Variants in PLCG2 observed in about 807,000 individuals in gnomAD.
PLCG2 encodes 1-phosphatidylinositol 4,5-bisphosphate phosphodiesterase gamma-2.
PLCG2 carries 69 observed loss-of-function variants against 175.6 expected under a neutral mutation model. The ratio of observed to expected loss-of-function variants is 0.39; its 90% CI spans 0.32 to 0.48. The LOEUF is 0.48. Among genes scored for constraint, PLCG2 ranks in the 20% least tolerant of loss-of-function variants. The pLI, the probability that PLCG2 is intolerant of heterozygous loss-of-function variation, is 0.91. For synonymous variants in PLCG2, 827 were observed against 624.0 expected (o/e 1.33, Z -4.85); for missense variants, 1,798 against 1,650.9 (o/e 1.09, Z -1.54).
At chr16:81,780,313 GC>G (rs972505654) in intron 1 of PLCG2, among the ~76,000 whole-genome samples, 7 of 152,304 alleles carry the variant, frequency 4.6e-5, no homozygotes, top group Admixed American at 3.9e-4. Context: ...ATTTTCCAGG[GC>G]TGTGTCGAGA....
intron 1 of PLCG2, among the ~76,000 whole-genome samples, chr16:81,743,739 G>T (rs1218857699): frequency 6.6e-6 from 1 of 152,364 alleles, no homozygotes; most frequent in South Asian, 2.1e-4. Context: ...CATCCCAAGG[G>T]AGGGAGAGTG....
At chr16:81,843,997 G>A (rs530746590) in intron 2 of PLCG2, among the ~76,000 whole-genome samples, 5 of 145,304 alleles carry the variant, frequency 3.4e-5, no homozygotes, top group African/African-American at 1.3e-4. Flanking sequence ...TTTTTTTTGA[G>A]AAGGCGTCTT....
At chr16:81,885,165 T>G (rs1250519477) in intron 9 of PLCG2, among the ~76,000 whole-genome samples, 1 of 152,106 alleles carries the variant, frequency 6.6e-6, no homozygotes. Flanking sequence ...TAGCTGGGAT[T>G]GCAGGCGTCT....
chr16:81,784,907 G>C (rs1226194296), intron 1 of PLCG2, among the ~76,000 whole-genome samples: 1 of 152,072 alleles, frequency 6.6e-6, no homozygotes, highest in Admixed American at 6.6e-5. Context: ...TGGGGATTTG[G>C]GAGGCAGAAT....
intron 5 of PLCG2, among the ~76,000 whole-genome samples, chr16:81,866,338 G>A (rs1379114951): frequency 3.2e-5 from 4 of 126,416 alleles, no homozygotes; most frequent in Non-Finnish European, 6.8e-5. Context: ...ATGAGAGGAC[G>A]CTGGCCTCTC....
chr16:81,927,007 C>T (rs1035148481), intron 22 of PLCG2, 75 bp from the exon 23 acceptor site: 95 of 905,986 alleles, frequency 1.0e-4, no homozygotes, highest in African/African-American at 2.8e-4. Flanking sequence ...AGCCAGCAGC[C>T]GGGTGCAGAT....
rs181465880 is a variant in PLCG2, at chr16:81,788,179, C to G, written c.193+1997C>G. Among the ~76,000 whole-genome samples, 37 of 152,206 alleles carry G rather than the reference C, an allele frequency of 2.4e-4. No individual in the cohort carries two copies. The Middle Eastern group carries it at 0.01, about 42-fold the overall frequency. ...AGTGGCTGCACCATTTATATTCCTT[C>G]CAGTGGTAGAAAAGGGTGATCGTTG... On this transcript the variant is annotated intron_variant, in intron 2 of 32. Coordinates refer to ENST00000564138, the MANE Select transcript of PLCG2 (RefSeq NM_002661.5).
intron 30 of PLCG2, among the ~76,000 whole-genome samples, chr16:81,942,359 T>G (rs16956034): frequency 0.24 from 37,024 of 152,136 alleles, 5,438 homozygotes; most frequent in East Asian, 0.39. Flanking sequence ...CAAGGGAGAT[T>G]AAAAATGTGA....
At chr16:81,831,183 G>A (rs1053688934) in intron 2 of PLCG2, among the ~76,000 whole-genome samples, 2 of 152,134 alleles carry the variant, frequency 1.3e-5, no homozygotes, top group Non-Finnish European at 2.9e-5. Flanking sequence ...ACTTGTGATT[G>A]CCAAGTGTAA....
At chr16:81,806,813 G>T (rs533229399) in intron 2 of PLCG2, among the ~76,000 whole-genome samples, 1 of 151,526 alleles carries the variant, frequency 6.6e-6, no homozygotes, top group African/African-American at 2.4e-5. Flanking sequence ...AGGGCTTCAG[G>T]AATGGCCAGG....
At chr16:81,810,045 T>C (rs927350223) in intron 2 of PLCG2, among the ~76,000 whole-genome samples, 2 of 151,920 alleles carry the variant, frequency 1.3e-5, no homozygotes. Context: ...AGGCTGGAGT[T>C]CAGTGGCGTG....
rs186848705 is a variant in PLCG2 at position 81,960,721 on chromosome 16, C to G, written c.*2723C>G. 7.0e-5 allele frequency: 16 copies of G among 229,122 alleles called. No homozygotes were observed. The highest frequency in any genetic ancestry group is 8.7e-6 in the Non-Finnish European group (1 of 115,454). The allele number at this position is 229,122 out of a possible 1,614,324, so 14.2% of individuals were successfully genotyped here. ...TAAGAAGGCAGCCGGACAACATGTT[C>G]TAATACTTCGTATGCTTTGTGACCT... is the stretch of plus-strand genomic sequence containing the variant. On this transcript the variant is annotated 3_prime_UTR_variant, in exon 33 of 33. Coordinates refer to ENST00000564138, the MANE Select transcript of PLCG2 (RefSeq NM_002661.5).
intron 21 of PLCG2, among the ~76,000 whole-genome samples, chr16:81,922,480 G>A (rs1265305292): frequency 6.6e-6 from 1 of 152,216 alleles, no homozygotes; most frequent in Non-Finnish European, 1.5e-5. Flanking sequence ...GCAAGCTGTT[G>A]TCAGTTTTAT....
intron 1 of PLCG2, chr16:81,783,185 G>A: frequency 2.1e-6 from 1 of 470,988 alleles, no homozygotes. Context: ...AGTGGACTAT[G>A]GCCTAGAGAC....
Position 81,880,097 on chromosome 16 carries a change from C to T in PLCG2, c.649-813C>T, listed in dbSNP as rs117950991. Among the ~76,000 whole-genome samples, 408 of 152,204 alleles carry T rather than the reference C, an allele frequency of 2.7e-3. 15 individuals carry two copies. The East Asian group carries it at 0.049, about 18-fold the overall frequency. ...CTCTACAAAAAGAAAAAATATTAGC[C>T]GGGCATGGTGGCGCATGCCTGTAGT... On this transcript the variant is annotated intron_variant, in intron 7 of 32. Coordinates refer to ENST00000564138, the MANE Select transcript of PLCG2 (RefSeq NM_002661.5).
At chr16:81,954,821 G>A (rs79080750) in intron 31 of PLCG2, among the ~76,000 whole-genome samples, 1 of 152,126 alleles carries the variant, frequency 6.6e-6, no homozygotes, top group Non-Finnish European at 1.5e-5. Context: ...GGTCTTTATA[G>A]TAGAATGATT....
intron 20 of PLCG2, among the ~76,000 whole-genome samples, chr16:81,919,977 G>A (rs184747574): frequency 6.6e-5 from 10 of 152,310 alleles, no homozygotes; most frequent in Admixed American, 6.5e-4. Flanking sequence ...TTTTCAGAGG[G>A]TGGTCTAGGA....
At chr16:81,879,308 T>C (rs1335303942) in intron 7 of PLCG2, among the ~76,000 whole-genome samples, 1 of 152,168 alleles carries the variant, frequency 6.6e-6, no homozygotes, top group Non-Finnish European at 1.5e-5. Context: ...AATAGCAACA[T>C]GCCCTGTCTA....
chr16:81,799,130 A>T (rs763621113), intron 2 of PLCG2: 1 of 152,206 alleles, frequency 6.6e-6, no homozygotes, highest in Non-Finnish European at 1.5e-5. Flanking sequence ...CTCCTAATTA[A>T]AACAACTGCT....
Sources: allele counts gnomAD v4.1 joint callset (sites outside exome capture counted in the v4.1 genomes callset), GRCh38; gene constraint gnomAD v4.1.1; transcripts MANE v1.5; gene names NCBI Gene and HGNC (gene_info 2026-07-23, HGNC 2026-07-21).